Variants in PRKAR1A observed in about 807,000 individuals in gnomAD.
The protein encoded by PRKAR1A is protein kinase cAMP-dependent type I regulatory subunit alpha.
Under a neutral mutation model 52.0 loss-of-function variants are expected in PRKAR1A, and 3 were observed. The ratio of observed to expected loss-of-function variants is 0.06; its 90% CI spans 0.03 to 0.15. The LOEUF (loss-of-function observed/expected upper bound fraction) is 0.15. Among genes scored for constraint, PRKAR1A ranks in the 10% least tolerant of loss-of-function variants. PRKAR1A has a pLI of 1.00. For synonymous variants in PRKAR1A, 188 were observed against 168.4 expected (o/e 1.12, Z -0.90); for missense variants, 240 against 477.4 (o/e 0.50, Z 4.63).
At chr17:68,496,123 C>T in the PRKAR1A span, among the ~76,000 whole-genome samples, 2 of 132,108 alleles carry the variant, frequency 1.5e-5, no homozygotes, top group Non-Finnish European at 3.2e-5. Context: ...CTCACTGCAA[C>T]CTCCGCCTCC....
the PRKAR1A span, among the ~76,000 whole-genome samples, chr17:68,485,145 T>C: frequency 2.6e-5 from 4 of 152,196 alleles, no homozygotes; most frequent in Non-Finnish European, 5.9e-5. Context: ...CCCACCAAAC[T>C]ATCATGGAAA....
At chr17:68,430,143 G>A in the PRKAR1A span, 4 of 1,613,302 alleles carry the variant, frequency 2.5e-6, no homozygotes, top group East Asian at 4.5e-5. Flanking sequence ...ACTCCAGGTC[G>A]AAGGCTCTTC....
At chr17:68,413,822 CGTT>C in the PRKAR1A span, 1 of 153,876 alleles carries the variant, frequency 6.5e-6, no homozygotes, top group South Asian at 2.0e-4. Flanking sequence ...CCTGGTGCGC[CGTT>C]TTTTAAGCCT....
chr17:68,457,923 C>T, the PRKAR1A span, among the ~76,000 whole-genome samples: 2 of 152,208 alleles, frequency 1.3e-5, no homozygotes, highest in African/African-American at 2.4e-5. Context: ...GGGGCCAGAT[C>T]TGCTGGTTTC....
chr17:68,536,230 T>C, downstream of PRKAR1A: 1 of 454,144 alleles, frequency 2.2e-6, no homozygotes, highest in South Asian at 1.6e-5. Context: ...TAGTGACAGC[T>C]CCATTCTATT....
chr17:68,464,443 A>G, the PRKAR1A span, among the ~76,000 whole-genome samples: 1 of 152,136 alleles, frequency 6.6e-6, no homozygotes, highest in Non-Finnish European at 1.5e-5. Context: ...TAAAACTGAC[A>G]TTGCCGAGGC....
the PRKAR1A span, among the ~76,000 whole-genome samples, chr17:68,430,772 G>A: frequency 2.0e-5 from 3 of 152,270 alleles, no homozygotes; most frequent in South Asian, 6.2e-4. Flanking sequence ...TGTTCTGTTG[G>A]TGAGAGACAA....
At chr17:68,505,773 T>C in the PRKAR1A span, among the ~76,000 whole-genome samples, 1 of 152,256 alleles carries the variant, frequency 6.6e-6, no homozygotes. Context: ...GAGATTGAGA[T>C]TGTGCCACTG....
At chr17:68,548,528 T>G (rs938767713) in intron 11 of PRKAR1A, among the ~76,000 whole-genome samples, 1 of 149,724 alleles carries the variant, frequency 6.7e-6, no homozygotes, top group African/African-American at 2.5e-5. Context: ...AGACTCTGTC[T>G]CAAAAAAAAA....
At chr17:68,486,820 A>G in the PRKAR1A span, among the ~76,000 whole-genome samples, 1 of 151,692 alleles carries the variant, frequency 6.6e-6, no homozygotes, top group Non-Finnish European at 1.5e-5. Context: ...TGCCTCAGGT[A>G]CCCAAGTGTT....
chr17:68,542,890 A>G (rs552653545), intron 11 of PRKAR1A: 90 of 1,093,624 alleles, frequency 8.2e-5, no homozygotes, highest in Middle Eastern at 2.2e-4. Flanking sequence ...GCCAGTGCAC[A>G]TTAGGAATTG....
At chr17:68,492,110 A>C in the PRKAR1A span, among the ~76,000 whole-genome samples, 1 of 152,200 alleles carries the variant, frequency 6.6e-6, no homozygotes, top group African/African-American at 2.4e-5. Context: ...AATAACAGGG[A>C]GCGTGTGTTT....
At position 68,529,942 on chromosome 17, in the gene PRKAR1A, G is replaced by A. The variant is rs768253469; in HGVS notation, c.914G>A (p.Arg305His). ...TAGGGGTCAGCTGCTGTGCTACAAC[G>A]TCGGTCAGAAAATGAAGAGTTTGTT... ...ILEGSAAVLQ[R>H]RSENEEFVEV... The change falls in exon 10 of 11, where the codon CGT becomes CAT. Residue 305 changes from arginine to histidine, a missense_variant. Around this residue, in one of 4 missense-constraint regions of PRKAR1A, gnomAD observed 107 missense variants for 290.9 expected, o/e 0.37. Coordinates refer to ENST00000589228, the MANE Select transcript of PRKAR1A (RefSeq NM_002734.5). 50 of 1,613,922 alleles carry A rather than the reference G, an allele frequency of 3.1e-5. No individual in the cohort carries two copies. Among genetic ancestry groups the A allele is most frequent in the Non-Finnish European group, 3.0e-5 (35 of 1,179,938 alleles).
At chr17:68,487,664 G>A in the PRKAR1A span, among the ~76,000 whole-genome samples, 1 of 152,020 alleles carries the variant, frequency 6.6e-6, no homozygotes, top group Admixed American at 6.6e-5. Context: ...AGCCGGGACT[G>A]GTGGTGGGCA....
In PRKAR1A at chr17:68,531,260, C is replaced by G. The variant is rs997991603; in HGVS notation, c.*811C>G. 6.6e-6 allele frequency: 7 copies of G among 1,066,316 alleles called. No homozygotes were observed. Among genetic ancestry groups the G allele is most frequent in the Non-Finnish European group, 8.0e-6 (7 of 879,640 alleles). 66.1% of individuals were successfully genotyped at this position (1,066,316 alleles called of 1,614,324 possible). On this transcript the variant is annotated 3_prime_UTR_variant, in exon 11 of 11. Transcript: ENST00000589228. The stretch of plus-strand genomic sequence containing the variant: ...ATCCAGCTAGTGCCAAATAATTGAT[C>G]AGATGCTGAATTGAGAATAAGAATT...
the PRKAR1A span, chr17:68,444,550 T>G: frequency 1.2e-6 from 2 of 1,614,154 alleles, no homozygotes; most frequent in Non-Finnish European, 8.5e-7. Context: ...TCTTTAATGT[T>G]GTGAATATAA....
At chr17:68,476,833 T>A in the PRKAR1A span, among the ~76,000 whole-genome samples, 1 of 152,154 alleles carries the variant, frequency 6.6e-6, no homozygotes, top group South Asian at 2.1e-4. Flanking sequence ...CAGCTAATTT[T>A]TGTATTTTTA....
chr17:68,449,795 G>A, the PRKAR1A span, among the ~76,000 whole-genome samples: 1 of 152,148 alleles, frequency 6.6e-6, no homozygotes, highest in Non-Finnish European at 1.5e-5. Flanking sequence ...CCCAATCTCC[G>A]GTAGTTCTTT....
intron 9 of PRKAR1A, 75 bp downstream of exon 9, chr17:68,529,066 G>A (rs553475881): frequency 7.7e-6 from 12 of 1,566,096 alleles, no homozygotes; most frequent in African/African-American, 4.1e-5. Context: ...AAAGTTGTAC[G>A]CTCTAAGAGG....
Sources: allele counts gnomAD v4.1 joint callset (sites outside exome capture counted in the v4.1 genomes callset), GRCh38; gene constraint gnomAD v4.1.1; regional missense constraint gnomAD v4.1.1; transcripts MANE v1.5; gene names NCBI Gene and HGNC (gene_info 2026-07-23, HGNC 2026-07-21).